CARMIL1: variants seen among roughly 807,000 people sequenced by gnomAD.
CARMIL1 encodes the protein F-actin-uncapping protein LRRC16A.
Under a neutral mutation model 177.1 loss-of-function variants are expected in CARMIL1, and 90 were observed. The observed-to-expected ratio is 0.51, with a 90% CI of 0.43 to 0.61. The LOEUF (loss-of-function observed/expected upper bound fraction) is 0.61. Ranked by LOEUF, CARMIL1 falls within the 20% of genes least tolerant of loss-of-function variation. The probability of loss-of-function intolerance (pLI) is 0.00; values close to 1 mark genes in which losing one functional copy is unlikely to be tolerated. For synonymous variants in CARMIL1, 577 were observed against 606.2 expected, an observed-to-expected ratio of 0.95 and a Z score of 0.71; for missense variants, 1,380 against 1,667.0, an observed-to-expected ratio of 0.83 and a Z score of 3.00.
rs189016718 is a variant in CARMIL1 at position 25,497,885 on chromosome 6, C to A, written c.1326-2281C>A. The stretch of plus-strand genomic sequence containing the variant: ...AGACAGAGAATATGACCGCTTACTT[C>A]ATTGTTGCGATTTTCCTTTGAGGCC... On this transcript the variant is annotated intron_variant, in intron 16 of 36. Transcript: ENST00000329474. Among the ~76,000 whole-genome samples, 47 of 152,262 alleles carry A rather than the reference C, an allele frequency of 3.1e-4. No individual in the cohort carries two copies. The East Asian group carries it at 8.9e-3, about 29-fold the overall frequency.
chr6:25,471,331 G>T (rs878865926), intron 10 of CARMIL1, 74 bp downstream of exon 10: 88 of 743,750 alleles, frequency 1.2e-4, no homozygotes, highest in Middle Eastern at 8.3e-4. Context: ...TTAATTCATA[G>T]TTTTTTTTTT....
chr6:25,354,976 CCTGATCAAG>C (rs1788443612), intron 2 of CARMIL1, among the ~76,000 whole-genome samples: 1 of 152,148 alleles, frequency 6.6e-6, no homozygotes, highest in Admixed American at 6.5e-5. Context: ...GAAAAGTCAT[CCTGATCAAG>C]CTGGCGAGTC....
At chr6:25,556,679 C>G (rs187763265) in intron 28 of CARMIL1, 22 bp from the exon 29 acceptor site, 3 of 1,597,746 alleles carry the variant, frequency 1.9e-6, no homozygotes, top group Non-Finnish European at 1.7e-6. Flanking sequence ...AATTTCTCCT[C>G]GTACACGTCT....
At chr6:25,331,649 C>T (rs1174669859) in intron 2 of CARMIL1, among the ~76,000 whole-genome samples, 3 of 152,284 alleles carry the variant, frequency 2.0e-5, no homozygotes, top group Admixed American at 6.5e-5. Context: ...GTGAGGCATC[C>T]GTCCCCCAAG....
chr6:25,528,728 T>A (rs977820372), intron 23 of CARMIL1, 67 bp from the exon 24 acceptor site: 20 of 1,186,424 alleles, frequency 1.7e-5, no homozygotes, highest in Middle Eastern at 2.4e-4. Context: ...ACTGACTGTT[T>A]CACTTATACT....
At chr6:25,431,986 G>A (rs888745226) in intron 4 of CARMIL1, among the ~76,000 whole-genome samples, 2 of 152,192 alleles carry the variant, frequency 1.3e-5, no homozygotes, top group African/African-American at 2.4e-5. Context: ...AAAATTTGCT[G>A]TGTTTTGGAA....
intron 2 of CARMIL1, among the ~76,000 whole-genome samples, chr6:25,327,688 T>TA (rs1260310291): frequency 2.0e-5 from 3 of 151,764 alleles, no homozygotes; most frequent in African/African-American, 2.4e-5. Flanking sequence ...CATTCAAGAT[T>TA]AAAAAAAAAT....
chr6:25,597,464 G>T (rs1035491003), intron 32 of CARMIL1, among the ~76,000 whole-genome samples: 3 of 152,086 alleles, frequency 2.0e-5, no homozygotes, highest in Non-Finnish European at 4.4e-5. Context: ...GTTTTCCTTG[G>T]TGTTAATTAT....
chr6:25,445,465 A>G (rs985830077), intron 5 of CARMIL1, among the ~76,000 whole-genome samples: 3 of 151,528 alleles, frequency 2.0e-5, no homozygotes, highest in Non-Finnish European at 2.9e-5. Context: ...AAGGTTTTCA[A>G]TTTACTTTGC....
At chr6:25,362,397 G>A (rs1425124021) in intron 2 of CARMIL1, among the ~76,000 whole-genome samples, 1 of 152,234 alleles carries the variant, frequency 6.6e-6, no homozygotes. Context: ...TACACGGGCC[G>A]GGCGTGGTGG....
chr6:25,412,781 G>A (rs924486885), intron 2 of CARMIL1, among the ~76,000 whole-genome samples: 2 of 152,148 alleles, frequency 1.3e-5, no homozygotes, highest in Admixed American at 6.5e-5. Flanking sequence ...GGAAGAGGCT[G>A]GGTTTGACTT....
chr6:25,488,685 CTT>C (rs1802912002), intron 13 of CARMIL1, 100 bp downstream of exon 13: 2 of 940,942 alleles, frequency 2.1e-6, no homozygotes, highest in Non-Finnish European at 3.5e-6. Context: ...CTGCCTCTCT[CTT>C]TGTCATGACA....
chr6:25,458,625 G>A (rs1202253411), intron 8 of CARMIL1, among the ~76,000 whole-genome samples: 4 of 151,788 alleles, frequency 2.6e-5, no homozygotes, highest in Non-Finnish European at 4.4e-5. Context: ...GTATACCTCT[G>A]TAGAGTATGA....
At chr6:25,344,071 T>C (rs1787239838) in intron 2 of CARMIL1, among the ~76,000 whole-genome samples, 1 of 152,184 alleles carries the variant, frequency 6.6e-6, no homozygotes, top group Admixed American at 6.5e-5. Context: ...ACACTACTTC[T>C]GTGAGTTCTC....
At chr6:25,348,207 A>C (rs1581644389) in intron 2 of CARMIL1, among the ~76,000 whole-genome samples, 1 of 151,968 alleles carries the variant, frequency 6.6e-6, no homozygotes, top group African/African-American at 2.4e-5. Flanking sequence ...ATCTTGGCCC[A>C]CTGCAACCTC....
At chr6:25,335,457 A>G (rs1786111124) in intron 2 of CARMIL1, among the ~76,000 whole-genome samples, 1 of 152,250 alleles carries the variant, frequency 6.6e-6, no homozygotes, top group African/African-American at 2.4e-5. Flanking sequence ...GATGCAATGT[A>G]TATTTAAAAA....
intron 35 of CARMIL1, among the ~76,000 whole-genome samples, chr6:25,609,218 A>G (rs200281906): frequency 5.3e-5 from 8 of 151,918 alleles, no homozygotes; most frequent in Non-Finnish European, 8.8e-5. Flanking sequence ...TGTAATCCCA[A>G]CACTTTGGGA....
chr6:25,551,214 T>G, intron 27 of CARMIL1, 129 bp downstream of exon 27: 1 of 667,118 alleles, frequency 1.5e-6, no homozygotes, highest in Non-Finnish European at 2.5e-6. Flanking sequence ...AGGCAGAAAC[T>G]GTATATAAAT....
chr6:25,281,200 C>A (rs907929431), intron 1 of CARMIL1, among the ~76,000 whole-genome samples: 3 of 151,360 alleles, frequency 2.0e-5, no homozygotes, highest in Non-Finnish European at 4.4e-5. Context: ...AGCAGATCCT[C>A]TTCTCTCTCC....
Sources: gnomAD v4.1 joint callset for allele counts (sites outside exome capture counted in the v4.1 genomes callset) on GRCh38, gnomAD v4.1.1 for gene constraint, MANE v1.5 for transcripts, NCBI Gene and HGNC (gene_info 2026-07-23, HGNC 2026-07-21) for gene names.